Variants in SPAG16 observed in about 807,000 individuals in gnomAD.
SPAG16 encodes the protein sperm associated antigen 16.
SPAG16 carries 86 observed loss-of-function variants against 80.4 expected under a neutral mutation model. That is an observed-to-expected ratio of 1.07 (90% CI 0.90 to 1.28). The LOEUF is 1.28. SPAG16 is among the 50% of genes most tolerant of loss of function. The pLI, the probability that SPAG16 is intolerant of heterozygous loss-of-function variation, is 0.00. For missense variants in SPAG16, 870 were observed against 765.3 expected, an observed-to-expected ratio of 1.14 and a Z score of -1.61; for synonymous variants, 294 against 265.9, an observed-to-expected ratio of 1.11 and a Z score of -1.03.
At chr2:213,422,086 A>G in intron 9 of SPAG16, 1 of 641,960 alleles carries the variant, frequency 1.6e-6, no homozygotes, top group Non-Finnish European at 2.8e-6. Context: ...GGGGACTAAA[A>G]GAGCTGTAAC....
intron 9 of SPAG16, among the ~76,000 whole-genome samples, chr2:213,488,047 AT>A (rs1437957684): frequency 1.3e-5 from 2 of 152,118 alleles, no homozygotes; most frequent in African/African-American, 4.8e-5. Context: ...ATAAAATAGT[AT>A]ATATGTTCAT....
intron 11 of SPAG16, among the ~76,000 whole-genome samples, chr2:213,884,867 T>C (rs1015129748): frequency 2.0e-5 from 3 of 152,236 alleles, no homozygotes; most frequent in Non-Finnish European, 2.9e-5. Context: ...TTAAAATGGC[T>C]ATTTCATCTA....
At chr2:213,447,526 T>A (rs2125557998) in intron 9 of SPAG16, among the ~76,000 whole-genome samples, 1 of 152,358 alleles carries the variant, frequency 6.6e-6, no homozygotes, top group Middle Eastern at 3.4e-3. Flanking sequence ...GGCATTATGA[T>A]AATTCTTCTC....
At chr2:213,628,209 G>A (rs1455637991) in intron 10 of SPAG16, among the ~76,000 whole-genome samples, 2 of 152,202 alleles carry the variant, frequency 1.3e-5, no homozygotes, top group African/African-American at 4.8e-5. Context: ...TCAGCAACTA[G>A]ATTTCCAGCC....
At chr2:214,194,330 T>A (rs1039614574) in intron 15 of SPAG16, among the ~76,000 whole-genome samples, 9 of 152,104 alleles carry the variant, frequency 5.9e-5, no homozygotes, top group Non-Finnish European at 2.9e-5. Flanking sequence ...TACACATATG[T>A]GTACTCATAG....
At chr2:213,639,318 GTGT>G (rs1331096544) in intron 10 of SPAG16, among the ~76,000 whole-genome samples, 1 of 152,118 alleles carries the variant, frequency 6.6e-6, no homozygotes, top group African/African-American at 2.4e-5. Flanking sequence ...TTTTTGTATT[GTGT>G]TGTTGTTTTA....
intron 13 of SPAG16, among the ~76,000 whole-genome samples, chr2:214,036,490 G>A (rs1457599433): frequency 1.3e-5 from 2 of 152,136 alleles, no homozygotes; most frequent in African/African-American, 2.4e-5. Flanking sequence ...GCCAGAAATA[G>A]AAAGATAACT....
chr2:213,818,824 C>T (rs1304054940), intron 10 of SPAG16, among the ~76,000 whole-genome samples: 1 of 151,988 alleles, frequency 6.6e-6, no homozygotes, highest in Non-Finnish European at 1.5e-5. Flanking sequence ...TGGCAGTTTC[C>T]CCTGTGCTCT....
At chr2:213,877,413 G>A (rs1240121275) in intron 11 of SPAG16, among the ~76,000 whole-genome samples, 1 of 152,020 alleles carries the variant, frequency 6.6e-6, no homozygotes, top group Non-Finnish European at 1.5e-5. Flanking sequence ...AACATCAAGT[G>A]ATTCTTCCAC....
At chr2:213,615,568 G>A (rs1323737058) in intron 10 of SPAG16, among the ~76,000 whole-genome samples, 2 of 152,044 alleles carry the variant, frequency 1.3e-5, no homozygotes, top group Admixed American at 6.5e-5. Context: ...TCCAGCATAG[G>A]CGACAAAGCA....
chr2:213,452,521 C>T (rs2071760121), intron 9 of SPAG16, among the ~76,000 whole-genome samples: 1 of 152,214 alleles, frequency 6.6e-6, no homozygotes, highest in Non-Finnish European at 1.5e-5. Context: ...AATCACATTC[C>T]TCCTTTGTTG....
intron 10 of SPAG16, among the ~76,000 whole-genome samples, chr2:213,798,364 C>T (rs2071173701): frequency 6.6e-6 from 1 of 152,214 alleles, no homozygotes; most frequent in Admixed American, 6.5e-5. Flanking sequence ...AGTGATTCTC[C>T]TGCCTCAGCC....
At chr2:214,386,778 C>G (rs1700778078) in intron 15 of SPAG16, among the ~76,000 whole-genome samples, 1 of 151,360 alleles carries the variant, frequency 6.6e-6, no homozygotes, top group African/African-American at 2.4e-5. Context: ...GTGGGAGGAT[C>G]ACTTGAGCCC....
intron 9 of SPAG16, among the ~76,000 whole-genome samples, chr2:213,478,732 G>C (rs1183523612): frequency 3.3e-5 from 5 of 152,132 alleles, no homozygotes; most frequent in Non-Finnish European, 5.9e-5. Flanking sequence ...CTATGTGACT[G>C]TTCTGGAAGA....
At chr2:214,187,096 G>A (rs552463483) in intron 15 of SPAG16, among the ~76,000 whole-genome samples, 1 of 152,134 alleles carries the variant, frequency 6.6e-6, no homozygotes, top group Admixed American at 6.5e-5. Context: ...ATAAATAGAA[G>A]CTTTCAAAGT....
intron 10 of SPAG16, among the ~76,000 whole-genome samples, chr2:213,811,859 G>T (rs943291224): frequency 6.6e-6 from 1 of 152,112 alleles, no homozygotes; most frequent in East Asian, 1.9e-4. Context: ...GCAGTGAGGG[G>T]TCAATCCTGG....
chr2:213,745,788 G>GA (rs1436299539), intron 10 of SPAG16, among the ~76,000 whole-genome samples: 5 of 152,066 alleles, frequency 3.3e-5, no homozygotes, highest in Non-Finnish European at 5.9e-5. Flanking sequence ...GTTTGATTTT[G>GA]AAAAATCACT....
intron 11 of SPAG16, among the ~76,000 whole-genome samples, chr2:213,922,739 A>C (rs1559591744): frequency 6.7e-6 from 1 of 148,282 alleles, no homozygotes; most frequent in Non-Finnish European, 1.5e-5. Flanking sequence ...TGGGGATTTT[A>C]TTATGTTATA....
rs551353341 is a variant in SPAG16 at position 214,126,727 on chromosome 2, A to G, written c.1593+18466A>G. On this transcript the variant is annotated intron_variant, in intron 14 of 15. Coordinates refer to ENST00000331683, the MANE Select transcript of SPAG16 (RefSeq NM_024532.5). Reference sequence around the variant, plus strand: ...GGTTACTATCACAATAAATAAACAGATCTTACAGATTGTGTATCTACATCA... The same window carrying G: ...GGTTACTATCACAATAAATAAACAGGTCTTACAGATTGTGTATCTACATCA... Among the ~76,000 whole-genome samples the G allele has an allele frequency of 2.0e-5, 3 of 151,926 alleles. No individual in the cohort carries two copies. The South Asian group carries it at 6.2e-4, about 31-fold the overall frequency.
Sources: gnomAD v4.1 joint callset for allele counts (sites outside exome capture counted in the v4.1 genomes callset) on GRCh38, gnomAD v4.1.1 for gene constraint, MANE v1.5 for transcripts, NCBI Gene and HGNC (gene_info 2026-07-23, HGNC 2026-07-21) for gene names.